Variants in NCAM2 observed in about 807,000 individuals in gnomAD.
NCAM2 encodes neural cell adhesion molecule 2, also known as N-CAM-2.
A neutral mutation model predicts 98.1 loss-of-function variants in NCAM2; 30 were observed. The ratio of observed to expected loss-of-function variants is 0.31; its 90% CI spans 0.23 to 0.41. The LOEUF is 0.41. Among genes scored for constraint, NCAM2 ranks in the 10% least tolerant of loss-of-function variants. The probability of loss-of-function intolerance (pLI) is 1.00; values close to 1 mark genes in which losing one functional copy is unlikely to be tolerated. For missense variants in NCAM2, 867 were observed against 1,005.8 expected, an observed-to-expected ratio of 0.86 and a Z score of 1.87; for synonymous variants, 368 against 342.4, an observed-to-expected ratio of 1.07 and a Z score of -0.83.
At chr21:21,457,981 A>C (rs1323597710) in intron 12 of NCAM2, among the ~76,000 whole-genome samples, 1 of 152,180 alleles carries the variant, frequency 6.6e-6, no homozygotes, top group Non-Finnish European at 1.5e-5. Flanking sequence ...AGTCGAAGCT[A>C]GGAGTTAATT....
intron 1 of NCAM2, among the ~76,000 whole-genome samples, chr21:21,255,027 A>G (rs1321422426): frequency 6.6e-6 from 1 of 152,018 alleles, no homozygotes; most frequent in African/African-American, 2.4e-5. Flanking sequence ...TTTTGCATCA[A>G]AACAGATTTG....
chr21:21,078,801 ATAGAT>A (rs1193937453), intron 1 of NCAM2, among the ~76,000 whole-genome samples: 3 of 152,184 alleles, frequency 2.0e-5, no homozygotes, highest in African/African-American at 7.2e-5. Context: ...CCCATCAATG[ATAGAT>A]TAGATAAAGA....
chr21:21,221,915 C>T (rs557639379), intron 1 of NCAM2, among the ~76,000 whole-genome samples: 2 of 152,202 alleles, frequency 1.3e-5, no homozygotes, highest in Admixed American at 1.3e-4. Context: ...GGCTTCAAAC[C>T]TTCAAAGGAC....
chr21:21,478,306 T>G (rs1985422494), intron 15 of NCAM2, among the ~76,000 whole-genome samples: 1 of 152,056 alleles, frequency 6.6e-6, no homozygotes, highest in Non-Finnish European at 1.5e-5. Context: ...ATATGGTATA[T>G]TCTTTATAGG....
intron 1 of NCAM2, among the ~76,000 whole-genome samples, chr21:21,198,345 T>C (rs565987910): frequency 1.4e-4 from 21 of 152,186 alleles, no homozygotes; most frequent in Non-Finnish European, 2.8e-4. Context: ...TTACTTTGAG[T>C]AAGAATAATC....
At chr21:21,295,900 T>C (rs2073461762) in intron 5 of NCAM2, among the ~76,000 whole-genome samples, 1 of 151,828 alleles carries the variant, frequency 6.6e-6, no homozygotes, top group Non-Finnish European at 1.5e-5. Context: ...CTAGGTGTAC[T>C]TTTGAAATTA....
At chr21:21,076,045 A>G (rs1170136410) in intron 1 of NCAM2, among the ~76,000 whole-genome samples, 1 of 151,572 alleles carries the variant, frequency 6.6e-6, no homozygotes, top group Non-Finnish European at 1.5e-5. Context: ...TGCACCCAAG[A>G]GGAGGAGGTT....
At chr21:21,193,197 A>C (rs776628090) in intron 1 of NCAM2, among the ~76,000 whole-genome samples, 1 of 152,194 alleles carries the variant, frequency 6.6e-6, no homozygotes, top group South Asian at 2.1e-4. Flanking sequence ...CTGCATCCAT[A>C]ATAAGCACTC....
chr21:21,325,108 T>G (rs1329371737), intron 6 of NCAM2, among the ~76,000 whole-genome samples: 2 of 152,206 alleles, frequency 1.3e-5, no homozygotes, highest in Admixed American at 1.3e-4. Context: ...ATTCCATTCT[T>G]TTAGATTGTG....
chr21:21,178,016 A>G (rs762852820), intron 1 of NCAM2, among the ~76,000 whole-genome samples: 39 of 152,264 alleles, frequency 2.6e-4, no homozygotes, highest in Non-Finnish European at 3.7e-4. Context: ...TTGATTTTAG[A>G]TGGAATAGGA....
At chr21:21,313,641 T>A (rs1045353909) in intron 5 of NCAM2, among the ~76,000 whole-genome samples, 3 of 151,990 alleles carry the variant, frequency 2.0e-5, no homozygotes, top group African/African-American at 7.2e-5. Context: ...ATTTTATTCA[T>A]TATGCCAGTT....
chr21:21,263,915 G>A (rs1295933504), intron 1 of NCAM2, among the ~76,000 whole-genome samples: 2 of 151,684 alleles, frequency 1.3e-5, no homozygotes, highest in Non-Finnish European at 3.0e-5. Context: ...TAAAAGAAAT[G>A]TCCTTTGGGA....
chr21:21,206,147 G>A (rs984761673), intron 1 of NCAM2, among the ~76,000 whole-genome samples: 1 of 152,138 alleles, frequency 6.6e-6, no homozygotes. Context: ...TGAATGAAGA[G>A]TATTCAGAGT....
chr21:21,192,876 A>G (rs2068869154), intron 1 of NCAM2, among the ~76,000 whole-genome samples: 1 of 152,166 alleles, frequency 6.6e-6, no homozygotes, highest in Admixed American at 6.5e-5. Flanking sequence ...CTGGACCAGA[A>G]CACCAGGTTC....
At position 20,998,438 on chromosome 21, in the gene NCAM2, G is replaced by C. The variant is rs1019876384; in HGVS notation, c.-126G>C. ...TGCGAGGAGGAGCGCGCGGGCTGCG[G>C]GCGGCTGGGGCACCGCGGGAGCGGC... On this transcript the variant is annotated 5_prime_UTR_variant, in exon 1 of 18. Coordinates refer to ENST00000400546, the MANE Select transcript of NCAM2 (RefSeq NM_004540.5). The C allele has an allele frequency of 2.5e-6, 2 of 809,892 alleles. No homozygotes were observed. Among genetic ancestry groups the C allele is most frequent in the African/African-American group, 1.8e-5 (1 of 56,680 alleles). 50.2% of individuals were successfully genotyped at this position (809,892 alleles called of 1,614,324 possible). A position where few individuals can be genotyped will look rare whatever the true frequency, so the allele number is the denominator to read the frequency against.
chr21:21,512,950 C>A (rs974240596), intron 16 of NCAM2, among the ~76,000 whole-genome samples: 3 of 151,970 alleles, frequency 2.0e-5, no homozygotes, highest in Admixed American at 1.3e-4. Flanking sequence ...TGAAACATTA[C>A]TGAATATATT....
At chr21:21,120,974 C>T (rs1171926604) in intron 1 of NCAM2, among the ~76,000 whole-genome samples, 2 of 152,070 alleles carry the variant, frequency 1.3e-5, no homozygotes, top group Admixed American at 6.5e-5. Context: ...CCTCAGCCTC[C>T]CGAAATGTTG....
intron 10 of NCAM2, among the ~76,000 whole-genome samples, chr21:21,417,004 A>T (rs143516847): frequency 1.2e-3 from 178 of 152,218 alleles, no homozygotes; most frequent in African/African-American, 3.9e-3. Flanking sequence ...ATCTGTTGAT[A>T]GCTGAACTCC....
intron 15 of NCAM2, among the ~76,000 whole-genome samples, chr21:21,508,131 T>C (rs1311247260): frequency 2.0e-5 from 3 of 152,186 alleles, no homozygotes; most frequent in African/African-American, 4.8e-5. Flanking sequence ...CCTGCAACCA[T>C]ATGCCAAAGA....
Sources: gnomAD v4.1 joint callset for allele counts (sites outside exome capture counted in the v4.1 genomes callset) on GRCh38, gnomAD v4.1.1 for gene constraint, MANE v1.5 for transcripts, NCBI Gene and HGNC (gene_info 2026-07-23, HGNC 2026-07-21) for gene names.